Variants in ZNF124 observed in about 807,000 individuals in gnomAD.
ZNF124 encodes zinc finger protein 124.
Under a neutral mutation model 26.6 loss-of-function variants are expected in ZNF124, and 25 were observed. The ratio of observed to expected loss-of-function variants is 0.94; its 90% CI spans 0.68 to 1.31. The LOEUF is 1.31. ZNF124 is among the 40% of genes most tolerant of loss of function. ZNF124 has a pLI of 0.00. For missense variants in ZNF124, 444 were observed against 422.2 expected, an observed-to-expected ratio of 1.05 and a Z score of -0.45; for synonymous variants, 129 against 133.3, an observed-to-expected ratio of 0.97 and a Z score of 0.22.
exon 4 of ZNF124, chr1:247,123,694 T>C (rs1032344949): frequency 1.9e-5 from 11 of 575,828 alleles, no homozygotes; most frequent in Admixed American, 9.0e-5. Context: ...CTTGCTTCTA[T>C]TGCAGAAGAG....
intron 2 of ZNF124, 30 bp downstream of exon 2, chr1:247,159,657 G>A (rs1673358615): frequency 6.2e-7 from 1 of 1,601,408 alleles, no homozygotes; most frequent in Non-Finnish European, 8.5e-7. Flanking sequence ...CTTTCTGATT[G>A]ACTAAGTGAA....
At chr1:247,124,721 G>C (rs1672166956) in intron 3 of ZNF124, among the ~76,000 whole-genome samples, 1 of 151,984 alleles carries the variant, frequency 6.6e-6, no homozygotes, top group Admixed American at 6.6e-5. Context: ...TGTGGGGTTT[G>C]TGTGTGTGTG....
At chr1:247,128,353 C>T (rs1368309120) in intron 3 of ZNF124, among the ~76,000 whole-genome samples, 2 of 149,808 alleles carry the variant, frequency 1.3e-5, no homozygotes, top group East Asian at 3.9e-4. Flanking sequence ...GTGTTGTGTC[C>T]TCAGCCACCC....
intron 3 of ZNF124, among the ~76,000 whole-genome samples, chr1:247,137,882 G>T (rs1159306706): frequency 6.6e-6 from 1 of 152,180 alleles, no homozygotes; most frequent in Non-Finnish European, 1.5e-5. Context: ...GATCATCAGA[G>T]AAATGCAAAT....
chr1:247,157,551 T>A, intron 3 of ZNF124, 148 bp from the exon 4 acceptor site: 1 of 707,196 alleles, frequency 1.4e-6, no homozygotes, highest in Non-Finnish European at 2.5e-6. Flanking sequence ...ACAGTATGTC[T>A]ATCATATGAC....
chr1:247,123,436 CTG>C (rs1672129237), exon 4 of ZNF124: 1 of 156,452 alleles, frequency 6.4e-6, no homozygotes, highest in Non-Finnish European at 1.4e-5. Flanking sequence ...ACCTTGTGAT[CTG>C]CCCGCCTCGG....
At chr1:247,167,738 G>C (rs1256236768) in intron 1 of ZNF124, among the ~76,000 whole-genome samples, 1 of 152,154 alleles carries the variant, frequency 6.6e-6, no homozygotes, top group African/African-American at 2.4e-5. Context: ...AAATTAAAAA[G>C]CTTCTGCACA....
At position 247,130,041 on chromosome 1, in the gene ZNF124, C is replaced by T. The variant is rs548314064; in HGVS notation, c.219-6170G>A. ...CAGGAGATGGGATGGTCTGACTTGA[C>T]CCTTGAGTCAGCCATGTCCGTGCTC... On this transcript the variant is annotated intron_variant, in intron 3 of 3. Coordinates refer to the ZNF124 transcript ENST00000472531. Among the ~76,000 whole-genome samples the T allele has an allele frequency of 4.6e-5, 7 of 152,216 alleles. No homozygotes were observed. In the South Asian group the frequency reaches 1.5e-3, roughly 32 times the overall value.
At chr1:247,124,721 G>T (rs1672166956) in intron 3 of ZNF124, among the ~76,000 whole-genome samples, 1 of 152,100 alleles carries the variant, frequency 6.6e-6, no homozygotes, top group African/African-American at 2.4e-5. Flanking sequence ...TGTGGGGTTT[G>T]TGTGTGTGTG....
At chr1:247,161,678 C>T (rs1361930623) in intron 1 of ZNF124, among the ~76,000 whole-genome samples, 2 of 151,762 alleles carry the variant, frequency 1.3e-5, no homozygotes, top group South Asian at 2.1e-4. Context: ...GCAAAAGATA[C>T]ATAACAAGAA....
At chr1:247,172,314 A>G (rs888071647), upstream of ZNF124, among the ~76,000 whole-genome samples, 63 of 152,270 alleles carry the variant, frequency 4.1e-4, 1 homozygote, top group Admixed American at 2.0e-3. Flanking sequence ...TTAAAATAGG[A>G]AACAATATAA....
At chr1:247,123,536 C>T in exon 4 of ZNF124, 2 of 289,658 alleles carry the variant, frequency 6.9e-6, no homozygotes, top group South Asian at 1.8e-4. Context: ...TGGGATCACA[C>T]ACGTATCGAA....
intron 3 of ZNF124, among the ~76,000 whole-genome samples, chr1:247,128,320 T>G (rs892002797): frequency 6.7e-6 from 1 of 149,684 alleles, no homozygotes; most frequent in Admixed American, 6.7e-5. Context: ...TGGATGGAGG[T>G]TTCCCTTTGG....
At chr1:247,141,226 T>G (rs1350565234) in intron 3 of ZNF124, among the ~76,000 whole-genome samples, 1 of 151,952 alleles carries the variant, frequency 6.6e-6, no homozygotes, top group Non-Finnish European at 1.5e-5. Context: ...AACTGCAGTT[T>G]GTTGTAGGTG....
chr1:247,123,711 T>A, exon 4 of ZNF124: 1 of 585,612 alleles, frequency 1.7e-6, no homozygotes, highest in Non-Finnish European at 3.0e-6. Flanking sequence ...AGAGTTACTT[T>A]CCAGGACTTC....
At chr1:247,125,991 C>T (rs910076839) in intron 3 of ZNF124, among the ~76,000 whole-genome samples, 1 of 151,844 alleles carries the variant, frequency 6.6e-6, no homozygotes, top group African/African-American at 2.4e-5. Context: ...AGTCCAGGCA[C>T]AGTGGCTCAC....
intron 3 of ZNF124, among the ~76,000 whole-genome samples, chr1:247,147,664 A>C (rs1222595896): frequency 6.6e-6 from 1 of 152,198 alleles, no homozygotes; most frequent in African/African-American, 2.4e-5. Context: ...AACATTTTGC[A>C]TATCAGAGTG....
At chr1:247,139,808 G>C (rs1315604598) in intron 3 of ZNF124, among the ~76,000 whole-genome samples, 1 of 152,150 alleles carries the variant, frequency 6.6e-6, no homozygotes, top group Non-Finnish European at 1.5e-5. Flanking sequence ...CTTTAAGAAT[G>C]TTGAATATAG....
intron 3 of ZNF124, among the ~76,000 whole-genome samples, chr1:247,129,984 TACTTCCCCGAGC>T (rs1337332250): frequency 0.012 from 1,780 of 143,102 alleles, 54 homozygotes; most frequent in African/African-American, 0.048. Flanking sequence ...GGACATTGAG[TACTTCCCCGAGC>T]AGGATGGGGT....
Sources: allele counts gnomAD v4.1 joint callset (sites outside exome capture counted in the v4.1 genomes callset), GRCh38; gene constraint gnomAD v4.1.1; transcripts MANE v1.5; gene names NCBI Gene and HGNC (gene_info 2026-07-23, HGNC 2026-07-21).